The following DPP10 variants were observed in gnomAD, a reference collection of about 807,000 sequenced individuals.
DPP10 encodes inactive dipeptidyl peptidase 10.
A neutral mutation model predicts 120.9 loss-of-function variants in DPP10; 33 were observed. The observed-to-expected ratio is 0.27, with a 90% CI of 0.21 to 0.37. DPP10 has a LOEUF of 0.37. Among genes scored for constraint, DPP10 ranks in the 10% least tolerant of loss-of-function variants. The probability of loss-of-function intolerance (pLI) is 1.00; values close to 1 mark genes in which losing one functional copy is unlikely to be tolerated. For synonymous variants in DPP10, 337 were observed against 326.1 expected (o/e 1.03, Z -0.36); for missense variants, 816 against 942.8 (o/e 0.87, Z 1.76).
chr2:114,876,044 C>T (rs546515697), intron 1 of DPP10, among the ~76,000 whole-genome samples: 17 of 151,830 alleles, frequency 1.1e-4, no homozygotes, highest in Admixed American at 5.9e-4. Context: ...TTGCAAACTA[C>T]GGATAAAGTA....
intron 1 of DPP10, among the ~76,000 whole-genome samples, chr2:114,873,348 T>C (rs1282822100): frequency 6.6e-6 from 1 of 152,140 alleles, no homozygotes; most frequent in Non-Finnish European, 1.5e-5. Flanking sequence ...GCCACTGTAG[T>C]ATTCAATCCA....
At chr2:115,527,590 G>C (rs1373501997) in intron 5 of DPP10, among the ~76,000 whole-genome samples, 1 of 152,006 alleles carries the variant, frequency 6.6e-6, no homozygotes, top group East Asian at 1.9e-4. Context: ...GAAAATATTT[G>C]AAATTCCCAT....
At chr2:115,111,127 A>G (rs1163913507) in intron 1 of DPP10, among the ~76,000 whole-genome samples, 1 of 152,192 alleles carries the variant, frequency 6.6e-6, no homozygotes, top group Non-Finnish European at 1.5e-5. Context: ...CCAAGCATAC[A>G]CAAGTAGTAG....
intron 1 of DPP10, among the ~76,000 whole-genome samples, chr2:114,861,405 C>T (rs1464440809): frequency 6.6e-6 from 1 of 152,182 alleles, no homozygotes; most frequent in East Asian, 1.9e-4. Flanking sequence ...AGGTCCTTTT[C>T]TCACAAAAGT....
chr2:115,186,924 G>T (rs2054482287), intron 1 of DPP10, among the ~76,000 whole-genome samples: 1 of 149,722 alleles, frequency 6.7e-6, no homozygotes, highest in African/African-American at 2.5e-5. Context: ...ACAGCCTCTA[G>T]CCAGAGGATG....
chr2:115,794,884 C>G (rs1684372378), intron 19 of DPP10, among the ~76,000 whole-genome samples: 1 of 152,082 alleles, frequency 6.6e-6, no homozygotes, highest in Non-Finnish European at 1.5e-5. Context: ...TAATTTAATA[C>G]CATACACGTC....
At chr2:115,478,919 C>T (rs778192339) in intron 3 of DPP10, among the ~76,000 whole-genome samples, 5 of 152,026 alleles carry the variant, frequency 3.3e-5, no homozygotes, top group East Asian at 1.9e-4. Context: ...TTGGTGATGA[C>T]GTGGAGAAAC....
chr2:114,620,555 T>C (rs1041486848), intron 1 of DPP10, among the ~76,000 whole-genome samples: 1 of 152,086 alleles, frequency 6.6e-6, no homozygotes, highest in Admixed American at 6.6e-5. Flanking sequence ...AAACCCTGTA[T>C]GTGCCTGCCA....
intron 1 of DPP10, among the ~76,000 whole-genome samples, chr2:114,787,010 C>T (rs139718524): frequency 1.0e-3 from 159 of 152,310 alleles, no homozygotes; most frequent in African/African-American, 3.7e-3. Flanking sequence ...ATCCTCCTCT[C>T]TCTCATGGGG....
At chr2:115,345,852 C>A (rs1043646223) in intron 3 of DPP10, among the ~76,000 whole-genome samples, 1 of 152,124 alleles carries the variant, frequency 6.6e-6, no homozygotes, top group African/African-American at 2.4e-5. Flanking sequence ...TATCATTTTT[C>A]AAGTAATTTC....
intron 1 of DPP10, among the ~76,000 whole-genome samples, chr2:114,700,313 A>G (rs1700313841): frequency 6.6e-6 from 1 of 152,122 alleles, no homozygotes; most frequent in African/African-American, 2.4e-5. Flanking sequence ...TACCATCTGC[A>G]TATCCAATAG....
intron 3 of DPP10, among the ~76,000 whole-genome samples, chr2:115,466,228 G>C (rs994016156): frequency 1.3e-5 from 2 of 152,086 alleles, no homozygotes; most frequent in African/African-American, 4.8e-5. Context: ...GGACTCTTTA[G>C]AACCTTTAGT....
chr2:115,642,904 G>A (rs906457906), intron 5 of DPP10, among the ~76,000 whole-genome samples: 2 of 151,876 alleles, frequency 1.3e-5, no homozygotes, highest in Non-Finnish European at 2.9e-5. Flanking sequence ...ATATACTATT[G>A]AAAAAATTTA....
At chr2:114,843,639 G>T (rs1574325277) in intron 1 of DPP10, among the ~76,000 whole-genome samples, 1 of 152,148 alleles carries the variant, frequency 6.6e-6, no homozygotes, top group East Asian at 1.9e-4. Flanking sequence ...TCATATCTCT[G>T]CTCTTCAATG....
rs139277447 is a variant in DPP10 at position 115,334,935 on chromosome 2, A to G, written c.176-8882A>G. 4.2e-3 allele frequency among the ~76,000 whole-genome samples: 630 copies of G among 149,900 alleles called. 2 individuals carry two copies. The highest frequency in any genetic ancestry group is 0.014 in the African/African-American group (558 of 40,912). On this transcript the variant is annotated intron_variant, in intron 2 of 25. Transcript: ENST00000410059. ...TATATCTTTTTTTTTTTTTGGTTCT[A>G]CTACTGTATTAGTTCATTTTCACGC...
At chr2:115,363,423 G>A (rs1466733209) in intron 3 of DPP10, among the ~76,000 whole-genome samples, 1 of 152,150 alleles carries the variant, frequency 6.6e-6, no homozygotes, top group South Asian at 2.1e-4. Context: ...TGGTTAAGTG[G>A]CATCAGTGGT....
intron 1 of DPP10, among the ~76,000 whole-genome samples, chr2:115,096,779 A>G (rs1023121433): frequency 3.9e-5 from 6 of 152,144 alleles, no homozygotes; most frequent in Non-Finnish European, 8.8e-5. Context: ...ATGTACTTGT[A>G]TATTTGTTCT....
intron 1 of DPP10, among the ~76,000 whole-genome samples, chr2:114,745,388 G>A (rs1473441386): frequency 1.3e-5 from 2 of 152,120 alleles, no homozygotes; most frequent in African/African-American, 2.4e-5. Flanking sequence ...CATATGCAAT[G>A]ATAGATTTTG....
At chr2:114,784,928 G>A (rs319849) in intron 1 of DPP10, among the ~76,000 whole-genome samples, 54,321 of 152,110 alleles carry the variant, frequency 0.36, 9,941 homozygotes, top group South Asian at 0.4. Context: ...ATAAGACACT[G>A]AGAGGCCTGC....
Sources: gnomAD v4.1 joint callset for allele counts (sites outside exome capture counted in the v4.1 genomes callset) on GRCh38, gnomAD v4.1.1 for gene constraint, MANE v1.5 for transcripts, NCBI Gene and HGNC (gene_info 2026-07-23, HGNC 2026-07-21) for gene names.